Variants in PCK1 observed in about 807,000 individuals in gnomAD.
PCK1 encodes the protein phosphoenolpyruvate carboxykinase, cytosolic [GTP].
In PCK1, 44 loss-of-function variants were observed where a neutral mutation model predicts 50.3. The observed-to-expected ratio is 0.87, with a 90% CI of 0.69 to 1.12. PCK1 has a LOEUF of 1.12. Ranked by LOEUF, PCK1 falls within the 50% of genes most tolerant of loss-of-function variation. The pLI is 0.00. For synonymous variants in PCK1, 332 were observed against 314.3 expected, an observed-to-expected ratio of 1.06 and a Z score of -0.59; for missense variants, 790 against 815.0, an observed-to-expected ratio of 0.97 and a Z score of 0.37.
In PCK1 at chr20:57,564,310, T is replaced by G; in HGVS notation, c.1103T>G (p.Val368Gly). The G allele has an allele frequency of 6.2e-7, 1 of 1,613,896 alleles. No homozygotes were observed. The highest frequency in any genetic ancestry group is 8.5e-7 in the Non-Finnish European group (1 of 1,179,962). Residue 368 changes from valine to glycine, a missense_variant, in exon 7 of 10, where the codon GTT (valine) becomes GGT (glycine). Physicochemically the swap from Val to Gly is moderately radical, Grantham distance 109. Transcript: ENST00000319441. ...TNVAETSDGG[V>G]YWEGIDEPLA... ...GTGGCCGAGACCAGCGACGGGGGCG[T>G]TTACTGGGAAGGCATTGATGAGCCG... is the stretch of plus-strand genomic sequence containing the variant.
In PCK1 at chr20:57,564,322, G is replaced by T; in HGVS notation, c.1115G>T (p.Gly372Val). The T allele has an allele frequency of 1.2e-6, 2 of 1,614,142 alleles. No individual in the cohort carries two copies. Among genetic ancestry groups the T allele is most frequent in the African/African-American group, 1.3e-5 (1 of 75,044 alleles). ...ETSDGGVYWE[G>V]IDEPLASGVT... is the part of the protein sequence containing the mutation. ...AGCGACGGGGGCGTTTACTGGGAAGGCATTGATGAGCCGCTAGCTTCAGGT... is the reference window on the plus strand; with the variant it reads ...AGCGACGGGGGCGTTTACTGGGAAGTCATTGATGAGCCGCTAGCTTCAGGT... Residue 372 changes from glycine to valine, a missense_variant, in exon 7 of 10, where the codon GGC becomes GTC. Gly to Val is a moderately radical substitution (Grantham distance 109). Transcript: ENST00000319441.
In PCK1 at chr20:57,567,466, A is replaced by G. The variant is rs1233432098; in HGVS notation, c.*1662A>G. ...AGACACGTTGGCTTGTTAGAATATC[A>G]AAACCACCGAAGGGGAAAAACCACT... On this transcript the variant is annotated 3_prime_UTR_variant, in exon 10 of 10. Transcript: ENST00000319441. 2 of 152,344 alleles carry G rather than the reference A, an allele frequency of 1.3e-5. No homozygotes were observed. Among genetic ancestry groups the G allele is most frequent in the Middle Eastern group, 3.4e-3 (1 of 294 alleles). The allele number at this position is 152,344 out of a possible 1,614,324, so 9.4% of individuals were successfully genotyped here. A position where few individuals can be genotyped will look rare whatever the true frequency, so the allele number is the denominator to read the frequency against.
chr20:57,563,756 A>G, intron 6 of PCK1, 29 bp downstream of exon 6: 1 of 1,564,616 alleles, frequency 6.4e-7, no homozygotes, highest in Non-Finnish European at 8.7e-7. Context: ...ACTCTTGGTA[A>G]CGATTGGACT....
chr20:57,564,027 G>A, intron 6 of PCK1, 142 bp from the exon 7 acceptor site: 1 of 654,488 alleles, frequency 1.5e-6, no homozygotes, highest in South Asian at 2.0e-5. Context: ...ATGATGCTTG[G>A]ATGAAAAGAG....
In PCK1 at chr20:57,561,437, T is replaced by C. The variant is rs759779360; in HGVS notation, c.26T>C (p.Leu9Pro). The C allele has an allele frequency of 8.7e-6, 14 of 1,613,310 alleles. No homozygotes were observed. Among genetic ancestry groups the C allele is most frequent in the South Asian group, 1.1e-5 (1 of 91,072 alleles). Residue 9 changes from leucine (L) to proline (P), a missense_variant, in exon 2 of 10, where the codon CTG (leucine) becomes CCG (proline). Transcript: ENST00000319441. MPPQLQNG[L>P]NLSAKVVQGS... ...ATGCCTCCTCAGCTGCAAAACGGCC[T>C]GAACCTCTCGGCCAAAGTTGTCCAG...
chr20:57,562,424 A>C, intron 3 of PCK1, 172 bp downstream of exon 3: 1 of 661,816 alleles, frequency 1.5e-6, no homozygotes, highest in Non-Finnish European at 2.6e-6. Flanking sequence ...TTCTGCTTTT[A>C]CAGACTGTCT....
chr20:57,563,372 A>C, intron 5 of PCK1, 157 bp downstream of exon 5: 1 of 729,284 alleles, frequency 1.4e-6, no homozygotes, highest in Non-Finnish European at 2.2e-6. Context: ...TTACACATAT[A>C]CATCGCTTTT....
At chr20:57,564,651 T>C in intron 8 of PCK1, 38 bp downstream of exon 8, 1 of 1,534,846 alleles carries the variant, frequency 6.5e-7, no homozygotes, top group Non-Finnish European at 8.8e-7. Flanking sequence ...AACATGGGTG[T>C]GCTGGGTACC....
Position 57,563,684 on chromosome 20 carries a change from G to A in PCK1, c.918G>A (p.Glu306=), listed in dbSNP as rs201952951. ...MNPSLPGWKV[E]CVGDDIAWMK... ...CCAGCCTCCCCGGGTGGAAGGTTGA[G>A]TGCGTCGGGGATGACATTGCCTGGA... Residue 306 remains glutamate (E), a synonymous_variant, in exon 6 of 10, where the codon GAG becomes GAA. Coordinates refer to ENST00000319441, the MANE Select transcript of PCK1 (RefSeq NM_002591.4). The A allele has an allele frequency of 1.2e-6, 2 of 1,613,670 alleles. No individual in the cohort carries two copies. The highest frequency in any genetic ancestry group is 1.7e-6 in the Non-Finnish European group (2 of 1,179,836).
In PCK1 at chr20:57,565,384, G is replaced by A; in HGVS notation, c.1449G>A (p.Arg483=). The stretch of plus-strand genomic sequence containing the variant: ...TCATGCATGACCCCTTTGCCATGCG[G>A]CCCTTCTTTGGCTACAACTTCGGCA... ...KIIMHDPFAM[R]PFFGYNFGKY... is the part of the protein sequence containing the mutation. Residue 483 remains arginine (R), a synonymous_variant, in exon 10 of 10, where the codon CGG becomes CGA. Transcript: ENST00000319441. 1 of 1,614,206 alleles carries A rather than the reference G, an allele frequency of 6.2e-7. No individual in the cohort carries two copies. Among genetic ancestry groups the A allele is most frequent in the Non-Finnish European group, 8.5e-7 (1 of 1,180,020 alleles).
intron 2 of PCK1, chr20:57,561,854 A>G (rs893607955): frequency 6.6e-6 from 4 of 609,198 alleles, no homozygotes; most frequent in East Asian, 2.7e-5. Flanking sequence ...TCTGCCAACT[A>G]GATTCCTGAT....
chr20:57,564,645 TG>T, intron 8 of PCK1, 32 bp downstream of exon 8: 1 of 1,542,690 alleles, frequency 6.5e-7, no homozygotes, highest in Non-Finnish European at 8.7e-7. Context: ...GCTGGGAACA[TG>T]GGTGTGCTGG....
In PCK1 at chr20:57,568,008, T is replaced by C. The variant is rs1469041854; in HGVS notation, c.*2204T>C. On this transcript the variant is annotated 3_prime_UTR_variant, in exon 10 of 10. Coordinates refer to ENST00000319441, the MANE Select transcript of PCK1 (RefSeq NM_002591.4). Reference sequence around the variant, plus strand: ...AGATTCAATATATGTCATTAACTCCTGACTCAGTTTCCCCAAACCATGCCT... The same window carrying C: ...AGATTCAATATATGTCATTAACTCCCGACTCAGTTTCCCCAAACCATGCCT... 6.6e-6 allele frequency: 1 copy of C among 152,262 alleles called. No homozygotes were observed. The highest frequency in any genetic ancestry group is 2.4e-5 in the African/African-American group (1 of 41,454). The allele number at this position is 152,262 out of a possible 1,614,324, so 9.4% of individuals were successfully genotyped here. A position where few individuals can be genotyped will look rare whatever the true frequency, so the allele number is the denominator to read the frequency against.
Position 57,564,378 on chromosome 20 carries a change from T to G in PCK1, c.1171T>G (p.Trp391Gly). 6.2e-7 allele frequency: 1 copy of G among 1,613,808 alleles called. No individual in the cohort carries two copies. Among genetic ancestry groups the G allele is most frequent in the South Asian group, 1.1e-5 (1 of 91,062 alleles). The change falls in exon 7 of 10, where the codon TGG becomes GGG. Residue 391 changes from tryptophan to glycine, a missense_variant. Coordinates refer to ENST00000319441, the MANE Select transcript of PCK1 (RefSeq NM_002591.4). ...CATCACGTCCTGGAAGAATAAGGAG[T>G]GGAGCTCAGAGGATGGTGTGTCCCT... Reference protein sequence around the residue: ...VTITSWKNKEWSSEDGEPCAH... With the variant: ...VTITSWKNKEGSSEDGEPCAH...
chr20:57,567,853 C>T lies in PCK1; in HGVS notation c.*2049C>T, dbSNP rs2070216580. Reference sequence around the variant, plus strand: ...TGGCCATCTCCAAATTCCCTCCCCTCCTGCACAGCATCAGCCACCTGGCAA... The same window carrying T: ...TGGCCATCTCCAAATTCCCTCCCCTTCTGCACAGCATCAGCCACCTGGCAA... On this transcript the variant is annotated 3_prime_UTR_variant, in exon 10 of 10. Transcript: ENST00000319441. The T allele has an allele frequency of 6.6e-6, 1 of 152,486 alleles. No individual in the cohort carries two copies. Among genetic ancestry groups the T allele is most frequent in the Admixed American group, 6.5e-5 (1 of 15,294 alleles). 9.4% of individuals were successfully genotyped at this position (152,486 alleles called of 1,614,324 possible).
rs2070756 is a variant in PCK1, at chr20:57,564,347, T to C, written c.1140T>C (p.Gly380=). The change falls in exon 7 of 10, where the codon GGT becomes GGC. Residue 380 remains glycine (G), a synonymous_variant. Transcript: ENST00000319441. The stretch of plus-strand genomic sequence containing the variant: ...GCATTGATGAGCCGCTAGCTTCAGG[T>C]GTCACCATCACGTCCTGGAAGAATA... ...WEGIDEPLAS[G]VTITSWKNKE... 1,209,624 of 1,613,712 alleles carry C rather than the reference T, an allele frequency of 0.75. 455,064 individuals carry two copies. The highest frequency in any genetic ancestry group is 0.93 in the African/African-American group (69,479 of 74,990).
intron 2 of PCK1, 196 bp from the exon 3 acceptor site, chr20:57,561,875 G>T (rs1352808387): frequency 3.3e-6 from 2 of 612,450 alleles, no homozygotes; most frequent in Non-Finnish European, 5.7e-6. Context: ...TAAAAAAAAG[G>T]CAGCCCCTCT....
intron 8 of PCK1, 120 bp from the exon 9 acceptor site, chr20:57,564,920 A>G: frequency 1.3e-6 from 1 of 790,580 alleles, no homozygotes; most frequent in Non-Finnish European, 2.1e-6. Context: ...ACGCAAAACT[A>G]GCTCGATTAC....
intron 2 of PCK1, 46 bp downstream of exon 2, chr20:57,561,681 C>A (rs2070144809): frequency 2.3e-6 from 3 of 1,302,786 alleles, no homozygotes; most frequent in Non-Finnish European, 3.3e-6. Flanking sequence ...GCAGGCAGGG[C>A]TCCCCTGCGT....
Sources: gnomAD v4.1 joint callset for allele counts on GRCh38, gnomAD v4.1.1 for gene constraint, MANE v1.5 for transcripts, NCBI Gene and HGNC (gene_info 2026-07-23, HGNC 2026-07-21) for gene names.